Variants in ELOVL2 observed in about 807,000 individuals in gnomAD.
ELOVL2 encodes ELOVL fatty acid elongase 2.
ELOVL2 carries 38 observed loss-of-function variants against 37.7 expected under a neutral mutation model. The ratio of observed to expected loss-of-function variants is 1.01; its 90% CI spans 0.78 to 1.32. The LOEUF (loss-of-function observed/expected upper bound fraction) is 1.32. ELOVL2 is among the 40% of genes most tolerant of loss of function. ELOVL2 has a pLI of 0.00. For missense variants in ELOVL2, 352 were observed against 363.6 expected (o/e 0.97, Z 0.26); for synonymous variants, 115 against 122.3 (o/e 0.94, Z 0.40).
At chr6:10,992,754 C>T (rs1461544302) in intron 5 of ELOVL2, among the ~76,000 whole-genome samples, 1 of 149,768 alleles carries the variant, frequency 6.7e-6, no homozygotes, top group Non-Finnish European at 1.5e-5. Context: ...TGCCACTGCA[C>T]TCCAGCCTGG....
chr6:10,980,914 T>A lies in ELOVL2; in HGVS notation c.*2867A>T, dbSNP rs1781922387. ...AAAGGAAAACAAAGCGATATCCATA[T>A]TTTCCAAACAAGGAAGCCCCCAGAC... On this transcript the variant is annotated 3_prime_UTR_variant, in exon 8 of 8. Coordinates refer to ENST00000354666, the MANE Select transcript of ELOVL2 (RefSeq NM_017770.4). The A allele has an allele frequency of 2.0e-5, 3 of 152,636 alleles. No homozygotes were observed. In the South Asian group the frequency reaches 6.2e-4, roughly 32 times the overall value. The allele number at this position is 152,636 out of a possible 1,614,324, so 9.5% of individuals were successfully genotyped here.
At chr6:11,042,094 C>T (rs1783106442) in intron 1 of ELOVL2, among the ~76,000 whole-genome samples, 2 of 152,042 alleles carry the variant, frequency 1.3e-5, no homozygotes, top group Admixed American at 1.3e-4. Context: ...GTGTTGATCA[C>T]TTGAGGTCAG....
intron 7 of ELOVL2, among the ~76,000 whole-genome samples, chr6:10,989,161 C>T (rs1782100010): frequency 6.6e-6 from 1 of 151,982 alleles, no homozygotes; most frequent in East Asian, 1.9e-4. Context: ...TTGATAAAAC[C>T]TTATGTGTAT....
At chr6:11,043,903 A>C in intron 1 of ELOVL2, 1 of 244,580 alleles carries the variant, frequency 4.1e-6, no homozygotes, top group East Asian at 7.6e-5. Context: ...TTCCTCGGGC[A>C]TCCCGGGCGC....
intron 5 of ELOVL2, 61 bp from the exon 6 acceptor site, chr6:10,990,503 T>C: frequency 6.8e-7 from 1 of 1,475,796 alleles, no homozygotes. Context: ...TTCTTCTTTG[T>C]CAAGTGAGAT....
At position 11,044,096 on chromosome 6, in the gene ELOVL2, AG is replaced by A; in HGVS notation, c.3+131del. 3.4e-6 allele frequency: 4 copies of A among 1,170,982 alleles called. No individual in the cohort carries two copies. The highest frequency in any genetic ancestry group is 4.4e-6 in the Non-Finnish European group (4 of 909,344). 72.5% of individuals were successfully genotyped at this position (1,170,982 alleles called of 1,614,324 possible). A position where few individuals can be genotyped will look rare whatever the true frequency, so the allele number is the denominator to read the frequency against. On this transcript the variant is annotated intron_variant, in intron 1 of 7. Coordinates refer to ENST00000354666, the MANE Select transcript of ELOVL2 (RefSeq NM_017770.4). This position sits in a 1 kb window ranked among gnomAD's most constrained non-coding sequence, Gnocchi z 5.6. ...GGCCCGCGCGGACCCGGCCCCTCCG[AG>A]GGTAGCGGGTTCCAGCGGCGAACCC...
In ELOVL2 at chr6:10,989,848, C is replaced by A; in HGVS notation, c.631-11G>T. The stretch of plus-strand genomic sequence containing the variant: ...GAGCACGAACTGCACCTGGGGACGG[C>A]AGAGAGGGCATCTCTGTGAGCGAGC... On this transcript the variant is annotated splice_polypyrimidine_tract_variant and intron_variant, in intron 6 of 7. Transcript: ENST00000354666. 2 of 1,613,880 alleles carry A rather than the reference C, an allele frequency of 1.2e-6. No individual in the cohort carries two copies. Among genetic ancestry groups the A allele is most frequent in the Non-Finnish European group, 1.7e-6 (2 of 1,179,888 alleles).
chr6:11,017,259 C>A (rs1183346644), intron 1 of ELOVL2, among the ~76,000 whole-genome samples: 1 of 152,134 alleles, frequency 6.6e-6, no homozygotes, highest in East Asian at 1.9e-4. Flanking sequence ...AATAACCTTG[C>A]AAGTTGGGTA....
rs183319627 is a variant in ELOVL2, at chr6:11,041,691, C to T, written c.3+2537G>A. Among the ~76,000 whole-genome samples, 512 of 152,270 alleles carry T rather than the reference C, an allele frequency of 3.4e-3. 3 individuals are homozygous for T. Among genetic ancestry groups the T allele is most frequent in the African/African-American group, 0.012 (493 of 41,562 alleles). On this transcript the variant is annotated intron_variant, in intron 1 of 7. Coordinates refer to ENST00000354666, the MANE Select transcript of ELOVL2 (RefSeq NM_017770.4). Reference sequence around the variant, plus strand: ...GGGAAAGATGGTAACCACAGAACTGCTGAACTTACATAGTCATAGCTATAA... The same window carrying T: ...GGGAAAGATGGTAACCACAGAACTGTTGAACTTACATAGTCATAGCTATAA...
At chr6:10,990,639 G>A (rs1782140399) in intron 5 of ELOVL2, among the ~76,000 whole-genome samples, 197 bp from the exon 6 acceptor site, 1 of 149,702 alleles carries the variant, frequency 6.7e-6, no homozygotes, top group African/African-American at 2.5e-5. Context: ...CATGATAGAA[G>A]GAGTAGCCTG....
In ELOVL2 at chr6:10,982,251, T is replaced by A. The variant is rs1374819393; in HGVS notation, c.*1530A>T. The stretch of plus-strand genomic sequence containing the variant: ...CAGTTTACATGAAATAAAAGTACAA[T>A]TTTTTTAACAGGAGAAAGTTTAAAA... On this transcript the variant is annotated 3_prime_UTR_variant, in exon 8 of 8. Transcript: ENST00000354666. 1 of 151,918 alleles carries A rather than the reference T, an allele frequency of 6.6e-6. No homozygotes were observed. Among genetic ancestry groups the A allele is most frequent in the Non-Finnish European group, 1.5e-5 (1 of 67,990 alleles). The allele number at this position is 151,918 out of a possible 1,614,324, so 9.4% of individuals were successfully genotyped here.
chr6:11,018,337 G>A (rs1352170422), intron 1 of ELOVL2, among the ~76,000 whole-genome samples: 1 of 152,120 alleles, frequency 6.6e-6, no homozygotes, highest in African/African-American at 2.4e-5. Flanking sequence ...GAAAAGGTAA[G>A]AATACTGGTA....
At position 11,044,205 on chromosome 6, in the gene ELOVL2, T is replaced by TGGCGGC. The variant is rs1783169398; in HGVS notation, c.3+17_3+22dup. The TGGCGGC allele has an allele frequency of 2.1e-6, 3 of 1,448,786 alleles. No homozygotes were observed. The highest frequency in any genetic ancestry group is 2.7e-6 in the Non-Finnish European group (3 of 1,099,676). The allele number at this position is 1,448,786 out of a possible 1,614,324, so 89.7% of individuals were successfully genotyped here. On this transcript the variant is annotated intron_variant, in intron 1 of 7. Transcript: ENST00000354666. This position sits in a 1 kb window ranked among gnomAD's most constrained non-coding sequence, Gnocchi z 5.6. ...GAGAAAGAAAGCGCGGCGGTGTCGG[T>TGGCGGC]GGCGGCGCGCGGCCCCACTCACCAT...
At chr6:11,025,751 G>A (rs1175520927) in intron 1 of ELOVL2, among the ~76,000 whole-genome samples, 2 of 152,038 alleles carry the variant, frequency 1.3e-5, no homozygotes, top group Non-Finnish European at 2.9e-5. Flanking sequence ...AAAATAAAAC[G>A]TACAGTAGTT....
intron 1 of ELOVL2, among the ~76,000 whole-genome samples, chr6:11,041,409 C>G (rs1342983593): frequency 6.6e-6 from 1 of 152,120 alleles, no homozygotes; most frequent in Non-Finnish European, 1.5e-5. Context: ...GTTGAAGAAC[C>G]AAAAATTAGG....
intron 5 of ELOVL2, among the ~76,000 whole-genome samples, chr6:10,993,650 TTTGG>T (rs889270794): frequency 4.1e-4 from 63 of 152,138 alleles, no homozygotes; most frequent in African/African-American, 1.4e-3. Context: ...AGTATATTGC[TTTGG>T]TTGAATATAA....
intron 7 of ELOVL2, among the ~76,000 whole-genome samples, chr6:10,985,824 G>A (rs968133210): frequency 5.1e-4 from 78 of 152,092 alleles, no homozygotes; most frequent in East Asian, 1.4e-3. Context: ...TTGACTTGGC[G>A]ATGCAGGCTC....
intron 1 of ELOVL2, among the ~76,000 whole-genome samples, chr6:11,031,026 A>G (rs1485108767): frequency 6.6e-6 from 1 of 152,202 alleles, no homozygotes; most frequent in Non-Finnish European, 1.5e-5. Flanking sequence ...AAGGATTTAT[A>G]TGCACTATAA....
Position 10,989,788 on chromosome 6 carries a change from G to T in ELOVL2, c.680C>A (p.Pro227Gln), listed in dbSNP as rs773793888. 11 of 1,614,178 alleles carry T rather than the reference G, an allele frequency of 6.8e-6. No individual in the cohort carries two copies. The Admixed American group carries it at 1.8e-4, about 27-fold the overall frequency. ...GAGACAACCGAAGGGGAAGCCACAC[G>T]GTTTCACGACGGCGCTCATGGTGTG... Reference protein sequence around the residue: ...ITHTMSAVVKPCGFPFGCLIF... With the variant: ...ITHTMSAVVKQCGFPFGCLIF... Residue 227 changes from proline to glutamine, a missense_variant, in exon 7 of 8, where the codon CCG (proline) becomes CAG (glutamine). Physicochemically the swap from Pro to Gln is moderately conservative, Grantham distance 76 (BLOSUM62 -1). Coordinates refer to ENST00000354666, the MANE Select transcript of ELOVL2 (RefSeq NM_017770.4).
Sources: allele counts gnomAD v4.1 joint callset (sites outside exome capture counted in the v4.1 genomes callset), GRCh38; gene constraint gnomAD v4.1.1; non-coding constraint Gnocchi (gnomAD v3.1); transcripts MANE v1.5; gene names NCBI Gene and HGNC (gene_info 2026-07-23, HGNC 2026-07-21).